The following GOLGA5 variants were observed in gnomAD, a reference collection of about 807,000 sequenced individuals.
The protein encoded by GOLGA5 is golgin A5.
In GOLGA5, 50 loss-of-function variants were observed where a neutral mutation model predicts 93.5. The ratio of observed to expected loss-of-function variants is 0.53; its 90% CI spans 0.43 to 0.68. The LOEUF (loss-of-function observed/expected upper bound fraction) is 0.68. GOLGA5 is among the 30% of genes least tolerant of loss of function. The pLI is 0.00. For synonymous variants in GOLGA5, 312 were observed against 304.5 expected (o/e 1.02, Z -0.26); for missense variants, 760 against 856.4 (o/e 0.89, Z 1.40).
In GOLGA5 at chr14:92,809,463, C is replaced by G. The variant is rs1885060507; in HGVS notation, c.936C>G (p.Asp312Glu). ...TGAAAGTGAGACTCCAGGAAGCTGA[C>G]CAGCTACTGAGTACTCGCACAGAAG... ...AVLKVRLQEA[D>E]QLLSTRTEAL... The change falls in exon 4 of 13, where the codon GAC (aspartate) becomes GAG (glutamate). Residue 312 changes from aspartate (D) to glutamate (E), a missense_variant. By Grantham distance (45) the Asp-to-Glu change is conservative. Transcript: ENST00000163416. The G allele has an allele frequency of 6.2e-7, 1 of 1,613,838 alleles. No homozygotes were observed. The highest frequency in any genetic ancestry group is 2.2e-5 in the East Asian group (1 of 44,882).
intron 9 of GOLGA5, among the ~76,000 whole-genome samples, chr14:92,830,429 G>T (rs1442852328): frequency 6.7e-6 from 1 of 150,154 alleles, no homozygotes; most frequent in African/African-American, 2.5e-5. Context: ...TAGCTTATCA[G>T]ATATCATTAG....
chr14:92,834,740 G>T (rs555316078), intron 10 of GOLGA5, among the ~76,000 whole-genome samples: 23 of 152,180 alleles, frequency 1.5e-4, no homozygotes, highest in Non-Finnish European at 2.9e-4. Context: ...GATCTTGAGA[G>T]GGGGGACTGA....
At chr14:92,838,813 C>CA (rs1434557412) in intron 12 of GOLGA5, among the ~76,000 whole-genome samples, 29 of 151,916 alleles carry the variant, frequency 1.9e-4, no homozygotes, top group African/African-American at 7.0e-4. Context: ...AGATGGTGCC[C>CA]ATGAGATGTG....
chr14:92,806,862 T>C lies in GOLGA5; in HGVS notation c.671T>C (p.Leu224Pro), dbSNP rs1285243812. 1 of 1,613,802 alleles carries C rather than the reference T, an allele frequency of 6.2e-7. No homozygotes were observed. The highest frequency in any genetic ancestry group is 1.7e-5 in the Admixed American group (1 of 60,008). ...TPNDDGKSHE[L>P]SNLRLENQLL... ...AATGATGATGGCAAATCACATGAAC[T>C]GTCTAACCTTCGACTGGAGAATCAG... Residue 224 changes from leucine to proline, a missense_variant, in exon 3 of 13, where the codon CTG becomes CCG. Physicochemically the swap from Leu to Pro is moderately conservative, Grantham distance 98. Coordinates refer to ENST00000163416, the MANE Select transcript of GOLGA5 (RefSeq NM_005113.4).
chr14:92,820,382 A>G (rs1885292238), intron 8 of GOLGA5, among the ~76,000 whole-genome samples: 1 of 152,220 alleles, frequency 6.6e-6, no homozygotes, highest in African/African-American at 2.4e-5. Context: ...TGCTGCCAAC[A>G]TGTCTCGCCT....
chr14:92,811,697 G>A lies in GOLGA5; in HGVS notation c.1263G>A (p.Leu421=), dbSNP rs753637055. 4 of 1,612,932 alleles carry A rather than the reference G, an allele frequency of 2.5e-6. No homozygotes were observed. In the South Asian group the frequency reaches 4.4e-5, roughly 18 times the overall value. The change falls in exon 6 of 13, where the codon TTG becomes TTA. Residue 421 remains leucine, a synonymous_variant. Coordinates refer to ENST00000163416, the MANE Select transcript of GOLGA5 (RefSeq NM_005113.4). The part of the protein sequence containing the change: ...QQQVKLYKLN[L]ESSKQELIDY... ...AAGTCAAGCTGTATAAGTTGAACTT[G>A]GAGTCCTCTAAGCAGGAATTAATTG...
intron 7 of GOLGA5, among the ~76,000 whole-genome samples, chr14:92,819,103 T>G (rs771030709): frequency 6.6e-5 from 10 of 152,206 alleles, no homozygotes; most frequent in Non-Finnish European, 1.5e-4. Flanking sequence ...AAGTCCTTTG[T>G]GCTATTATGT....
chr14:92,826,327 A>T (rs1159644289), intron 9 of GOLGA5, among the ~76,000 whole-genome samples: 1 of 152,016 alleles, frequency 6.6e-6, no homozygotes, highest in Non-Finnish European at 1.5e-5. Context: ...GAGTGAGTTA[A>T]GATTTATTCT....
intron 2 of GOLGA5, among the ~76,000 whole-genome samples, chr14:92,800,503 C>T (rs191141410): frequency 1.3e-5 from 2 of 152,302 alleles, no homozygotes; most frequent in Non-Finnish European, 1.5e-5. Context: ...AAGTTGGGAC[C>T]TGTTTGTGAA....
intron 3 of GOLGA5, 56 bp downstream of exon 3, chr14:92,807,019 G>T (rs1298181864): frequency 8.1e-7 from 1 of 1,239,888 alleles, no homozygotes; most frequent in Non-Finnish European, 1.2e-6. Context: ...TAAACTTAAG[G>T]CTGGACGCAG....
intron 9 of GOLGA5, among the ~76,000 whole-genome samples, chr14:92,827,370 A>T (rs1885445193): frequency 6.6e-6 from 1 of 152,188 alleles, no homozygotes; most frequent in Admixed American, 6.5e-5. Context: ...ATCTGTGGTG[A>T]TCTGTGATCA....
chr14:92,834,890 T>C (rs2140337528), intron 10 of GOLGA5, among the ~76,000 whole-genome samples: 1 of 152,150 alleles, frequency 6.6e-6, no homozygotes, highest in East Asian at 1.9e-4. Flanking sequence ...ATGTGAGAGA[T>C]GGTAGTCTAG....
chr14:92,794,763 C>A lies in GOLGA5; in HGVS notation c.-31+307C>A, dbSNP rs555811713. ...GCTCGCTTACCTGAGATTCCCCAAA[C>A]TGACAGACCCCAGGGCTCTACGGAC... On this transcript the variant is annotated intron_variant, in intron 1 of 12. Transcript: ENST00000163416. 1.9e-3 allele frequency among the ~76,000 whole-genome samples: 294 copies of A among 152,324 alleles called. 1 individual carries two copies. Among genetic ancestry groups the A allele is most frequent in the African/African-American group, 6.7e-3 (277 of 41,574 alleles).
rs1228511198 is a variant in GOLGA5 at position 92,811,796 on chromosome 14, G to A, written c.1320+42G>A. ...CACTTTTGGATGTTAAGATGTGCAA[G>A]TTAACTGAAAGGCAATTTGAGACTG... On this transcript the variant is annotated intron_variant, in intron 6 of 12. Coordinates refer to ENST00000163416, the MANE Select transcript of GOLGA5 (RefSeq NM_005113.4). The A allele has an allele frequency of 2.8e-6, 4 of 1,411,658 alleles. No homozygotes were observed. The East Asian group carries it at 6.8e-5, about 24-fold the overall frequency. The allele number at this position is 1,411,658 out of a possible 1,614,324, so 87.4% of individuals were successfully genotyped here.
At chr14:92,819,901 C>T (rs1474481312) in intron 8 of GOLGA5, 65 bp downstream of exon 8, 18 of 1,518,780 alleles carry the variant, frequency 1.2e-5, no homozygotes, top group Non-Finnish European at 1.3e-5. Context: ...GCAGACCTCC[C>T]AGGAAAGCAG....
intron 2 of GOLGA5, among the ~76,000 whole-genome samples, chr14:92,805,818 TTA>T (rs921594263): frequency 6.6e-6 from 1 of 152,152 alleles, no homozygotes; most frequent in Non-Finnish European, 1.5e-5. Context: ...ACTGATTGTT[TTA>T]GTCAGTTTTA....
intron 9 of GOLGA5, among the ~76,000 whole-genome samples, chr14:92,830,040 C>T (rs188158790): frequency 7.2e-5 from 11 of 152,196 alleles, no homozygotes; most frequent in Middle Eastern, 3.4e-3. Flanking sequence ...AAGCTTGGGC[C>T]GGGCATGGTG....
At chr14:92,825,997 A>C (rs568757773) in intron 9 of GOLGA5, among the ~76,000 whole-genome samples, 1 of 152,134 alleles carries the variant, frequency 6.6e-6, no homozygotes, top group South Asian at 2.1e-4. Context: ...CTCTAAAAAA[A>C]TATTTTTAAT....
intron 11 of GOLGA5, among the ~76,000 whole-genome samples, chr14:92,836,031 A>G (rs1236175435): frequency 6.6e-6 from 1 of 152,022 alleles, no homozygotes. Context: ...ATCCATTTGA[A>G]TGTTTTATCC....
Sources: allele counts gnomAD v4.1 joint callset (sites outside exome capture counted in the v4.1 genomes callset), GRCh38; gene constraint gnomAD v4.1.1; transcripts MANE v1.5; gene names NCBI Gene and HGNC (gene_info 2026-07-23, HGNC 2026-07-21).